The following KCNQ2 variants were observed in gnomAD, a reference collection of about 807,000 sequenced individuals.
The protein encoded by KCNQ2 is potassium voltage-gated channel subfamily KQT member 2.
KCNQ2 carries 14 observed loss-of-function variants against 84.8 expected under a neutral mutation model. That is an observed-to-expected ratio of 0.17 (90% CI 0.11 to 0.26). The LOEUF (loss-of-function observed/expected upper bound fraction) is 0.26. Ranked by LOEUF, KCNQ2 falls within the 10% of genes least tolerant of loss-of-function variation. KCNQ2 has a pLI of 1.00. For synonymous variants in KCNQ2, 599 were observed against 554.1 expected (o/e 1.08, Z -1.14); for missense variants, 788 against 1,254.0 (o/e 0.63, Z 5.61).
chr20:63,408,341 C>T lies in KCNQ2; in HGVS notation c.1887+72G>A. On this transcript the variant is annotated intron_variant, in intron 16 of 16. Coordinates refer to ENST00000359125, the MANE Select transcript of KCNQ2 (RefSeq NM_172107.4). The surrounding 1 kb of genome is among the most constrained non-coding windows in gnomAD (Gnocchi z 5.0). ...TCCGTGGCACCCAGCCCCTGAAGCC[C>T]ACACTGCCACAGGTTGACGGCAGGC... 6.3e-7 allele frequency: 1 copy of T among 1,583,616 alleles called. No individual in the cohort carries two copies. The highest frequency in any genetic ancestry group is 8.6e-7 in the Non-Finnish European group (1 of 1,167,738).
chr20:63,450,962 ACT>A (rs2081597245), intron 1 of KCNQ2, among the ~76,000 whole-genome samples: 2 of 151,862 alleles, frequency 1.3e-5, no homozygotes, highest in African/African-American at 4.8e-5. Context: ...ATATGGTGAA[ACT>A]CTGTCTCTAC....
chr20:63,427,221 C>T (rs1360484698), intron 10 of KCNQ2, among the ~76,000 whole-genome samples: 3 of 152,186 alleles, frequency 2.0e-5, no homozygotes, highest in African/African-American at 7.2e-5. Flanking sequence ...GACTCCATCT[C>T]AAAATAATAA....
chr20:63,401,828 G>C lies in KCNQ2; in HGVS notation c.*4816C>G. On this transcript the variant is annotated 3_prime_UTR_variant, in exon 17 of 17. Transcript: ENST00000359125. The stretch of plus-strand genomic sequence containing the variant: ...TCGTGAGCTGTCCCTCTCACACCAC[G>C]TCTGCTGGGCACCCTCCATGGCAGG... The C allele has an allele frequency of 5.2e-6, 1 of 191,722 alleles. No individual in the cohort carries two copies. The highest frequency in any genetic ancestry group is 6.7e-5 in the South Asian group (1 of 14,926). The allele number at this position is 191,722 out of a possible 1,614,324, so 11.9% of individuals were successfully genotyped here.
intron 1 of KCNQ2, among the ~76,000 whole-genome samples, chr20:63,464,839 A>C (rs1297105269): frequency 1.3e-5 from 2 of 152,150 alleles, no homozygotes; most frequent in Admixed American, 1.3e-4. Context: ...GGTGGGACTG[A>C]GGGGGTCTCC....
intron 1 of KCNQ2, among the ~76,000 whole-genome samples, chr20:63,469,838 C>G (rs1275137495): frequency 6.6e-6 from 1 of 152,240 alleles, no homozygotes; most frequent in African/African-American, 2.4e-5. Flanking sequence ...TCAGGCCTCC[C>G]AAGTGGAGGT....
chr20:63,406,731 G>T lies in KCNQ2; in HGVS notation c.2532C>A (p.Asp844Glu). Residue 844 changes from aspartate (D) to glutamate (E), a missense_variant, in exon 17 of 17, where the codon GAC becomes GAA. Transcript: ENST00000359125. ...GCGGGGGCCCGCACGGGGTACAGAGGTCGGAGTCGGTGTCTGACTCTCCCT... is the reference window on the plus strand; with the variant it reads ...GCGGGGGCCCGCACGGGGTACAGAGTTCGGAGTCGGTGTCTGACTCTCCCT... ...IAEGESDTDS[D>E]LCTPCGPPPR... 1.2e-6 allele frequency: 2 copies of T among 1,609,590 alleles called. No homozygotes were observed. Among genetic ancestry groups the T allele is most frequent in the Non-Finnish European group, 1.7e-6 (2 of 1,178,896 alleles).
chr20:63,472,260 G>T lies in KCNQ2; in HGVS notation c.204C>A (p.Pro68=), dbSNP rs750320231. The T allele has an allele frequency of 3.9e-6, 6 of 1,538,742 alleles. No individual in the cohort carries two copies. The South Asian group carries it at 7.3e-5, about 19-fold the overall frequency. The change falls in exon 1 of 17, where the codon CCC becomes CCA. Residue 68 remains proline (P), a synonymous_variant. Transcript: ENST00000359125. ...RAGGAGAGKP[P]KRNAFYRKLQ... ...GCTTGCGGTAGAAGGCGTTGCGCTTGGGGGGCTTCCCGGCGCCCGCGCCGC... is the reference window on the plus strand; with the variant it reads ...GCTTGCGGTAGAAGGCGTTGCGCTTTGGGGGCTTCCCGGCGCCCGCGCCGC...
chr20:63,442,308 G>C (rs900826553), intron 5 of KCNQ2, 98 bp downstream of exon 5: 1 of 1,522,184 alleles, frequency 6.6e-7, no homozygotes, highest in African/African-American at 1.4e-5. Context: ...GCCCCAAAGA[G>C]ATGTATGGAG....
At chr20:63,418,086 G>A (rs890656954) in intron 12 of KCNQ2, among the ~76,000 whole-genome samples, 3 of 152,182 alleles carry the variant, frequency 2.0e-5, no homozygotes, top group Admixed American at 6.5e-5. Flanking sequence ...CACCCTCCAA[G>A]CACAGCTGGT....
At chr20:63,418,536 G>A (rs1401610835) in intron 12 of KCNQ2, among the ~76,000 whole-genome samples, 1 of 152,170 alleles carries the variant, frequency 6.6e-6, no homozygotes, top group Non-Finnish European at 1.5e-5. Context: ...GTTGTTCTCT[G>A]GCCTGGGCTC....
At chr20:63,427,924 G>T (rs1453650247) in intron 10 of KCNQ2, among the ~76,000 whole-genome samples, 1 of 152,174 alleles carries the variant, frequency 6.6e-6, no homozygotes, top group Non-Finnish European at 1.5e-5. Context: ...CACCTCTCCT[G>T]CTCAGCAGGC....
intron 10 of KCNQ2, 76 bp downstream of exon 10, chr20:63,428,291 G>T: frequency 9.0e-7 from 1 of 1,109,698 alleles, no homozygotes; most frequent in African/African-American, 1.5e-5. Context: ...CTGTCCTGGC[G>T]TGTCTTCTGT....
chr20:63,449,142 A>G (rs1055849196), intron 1 of KCNQ2: 3 of 152,414 alleles, frequency 2.0e-5, no homozygotes, highest in African/African-American at 7.2e-5. Flanking sequence ...AGATGAGGTC[A>G]TGAGGAAGGC....
chr20:63,431,388 C>T lies in KCNQ2; in HGVS notation c.1119-19G>A, dbSNP rs1428713160. ...TTGCGAACTTTCAAGTGTTTCCACA[C>T]ACACAAAGGGAAAAGAACGGAAAAT... On this transcript the variant is annotated intron_variant, in intron 8 of 16. Coordinates refer to ENST00000359125, the MANE Select transcript of KCNQ2 (RefSeq NM_172107.4). 6 of 1,613,396 alleles carry T rather than the reference C, an allele frequency of 3.7e-6. No homozygotes were observed. In the East Asian group the frequency reaches 8.9e-5, roughly 24 times the overall value.
At chr20:63,432,643 C>A (rs188617093) in intron 8 of KCNQ2, among the ~76,000 whole-genome samples, 2 of 149,404 alleles carry the variant, frequency 1.3e-5, no homozygotes, top group East Asian at 4.1e-4. Context: ...GAAGGCCCCA[C>A]CCTCAGGGAA....
intron 5 of KCNQ2, among the ~76,000 whole-genome samples, chr20:63,441,679 G>A (rs578115870): frequency 3.9e-5 from 6 of 152,254 alleles, no homozygotes; most frequent in African/African-American, 1.4e-4. Flanking sequence ...CAGGTCATCT[G>A]TATGGTCCAC....
chr20:63,453,003 A>G (rs549406574), intron 1 of KCNQ2, among the ~76,000 whole-genome samples: 22 of 152,288 alleles, frequency 1.4e-4, no homozygotes, highest in Non-Finnish European at 2.4e-4. Flanking sequence ...AAAGCGCAGC[A>G]CCGCGTGTGG....
At chr20:63,435,532 T>G (rs6090420) in intron 7 of KCNQ2, among the ~76,000 whole-genome samples, 226 of 152,224 alleles carry the variant, frequency 1.5e-3, no homozygotes, top group African/African-American at 5.2e-3. Flanking sequence ...GGATGGACGG[T>G]GAACACTGCA....
intron 4 of KCNQ2, 77 bp downstream of exon 4, chr20:63,444,582 C>T (rs2081355405): frequency 1.0e-5 from 13 of 1,299,044 alleles, no homozygotes; most frequent in South Asian, 7.1e-5. Flanking sequence ...AAACCCCAGG[C>T]AGGGGTGGGG....
Sources: allele counts gnomAD v4.1 joint callset (sites outside exome capture counted in the v4.1 genomes callset), GRCh38; gene constraint gnomAD v4.1.1; non-coding constraint Gnocchi (gnomAD v3.1); transcripts MANE v1.5; gene names NCBI Gene and HGNC (gene_info 2026-07-23, HGNC 2026-07-21).